Variants in FANK1 observed in about 807,000 individuals in gnomAD.
The protein encoded by FANK1 is fibronectin type 3 and ankyrin repeat domains protein 1.
In FANK1, 44 loss-of-function variants were observed where a neutral mutation model predicts 45.3. That is an observed-to-expected ratio of 0.97 (90% CI 0.76 to 1.25). The LOEUF is 1.25. Ranked by LOEUF, FANK1 falls within the 50% of genes most tolerant of loss-of-function variation. The pLI is 0.00. For missense variants in FANK1, 391 were observed against 424.4 expected (o/e 0.92, Z 0.69); for synonymous variants, 149 against 152.5 (o/e 0.98, Z 0.17).
chr10:125,954,640 T>G (rs1949461709), intron 1 of FANK1, among the ~76,000 whole-genome samples: 1 of 151,800 alleles, frequency 6.6e-6, no homozygotes, highest in Non-Finnish European at 1.5e-5. Flanking sequence ...GAGAAAGGGG[T>G]CAGGTGCAGT....
intron 2 of FANK1, among the ~76,000 whole-genome samples, chr10:125,984,553 G>T (rs73370533): frequency 2.6e-5 from 4 of 152,112 alleles, no homozygotes; most frequent in African/African-American, 9.7e-5. Flanking sequence ...GTTTGAAACT[G>T]TCTGACGTCC....
intron 1 of FANK1, among the ~76,000 whole-genome samples, chr10:125,943,091 C>T (rs181689248): frequency 1.3e-5 from 2 of 152,172 alleles, no homozygotes; most frequent in Admixed American, 6.5e-5. Flanking sequence ...GGATTACAGG[C>T]GTGAGCCACT....
rs140521965 is a variant in FANK1 at position 125,935,945 on chromosome 10, T to A, written c.13+39290T>A. Among the ~76,000 whole-genome samples, 1,085 of 152,318 alleles carry A rather than the reference T, an allele frequency of 7.1e-3. 12 individuals are homozygous for A. Among genetic ancestry groups the A allele is most frequent in the African/African-American group, 0.025 (1,022 of 41,562 alleles). ...TTTTTAAGCTAATAAGGGCCACCAG[T>A]GAGGGAAAGGTTTACATACTTTCTT... On this transcript the variant is annotated intron_variant, in intron 1 of 10. Coordinates refer to ENST00000368693, the MANE Select transcript of FANK1 (RefSeq NM_145235.5).
intron 1 of FANK1, among the ~76,000 whole-genome samples, chr10:125,928,341 G>T (rs2134138621): frequency 6.7e-6 from 1 of 149,622 alleles, no homozygotes; most frequent in Non-Finnish European, 1.5e-5. Context: ...CGTGGTGCTA[G>T]TGGGAGTGTA....
chr10:125,948,715 C>G (rs1948989191), intron 1 of FANK1, among the ~76,000 whole-genome samples: 1 of 152,170 alleles, frequency 6.6e-6, no homozygotes, highest in Non-Finnish European at 1.5e-5. Context: ...ACCATTCCTT[C>G]TGAAACTATT....
intron 1 of FANK1, among the ~76,000 whole-genome samples, chr10:125,951,367 C>G (rs1160531744): frequency 6.6e-6 from 1 of 151,902 alleles, no homozygotes; most frequent in Non-Finnish European, 1.5e-5. Context: ...CCTTTATGTT[C>G]TGCTTGATTC....
At chr10:125,964,128 C>T (rs879858564) in intron 1 of FANK1, among the ~76,000 whole-genome samples, 1 of 151,142 alleles carries the variant, frequency 6.6e-6, no homozygotes, top group Non-Finnish European at 1.5e-5. Context: ...TTTTCCTCTT[C>T]CTCTGTCTGT....
At chr10:125,919,366 C>T (rs577458668) in intron 1 of FANK1, among the ~76,000 whole-genome samples, 36 of 151,776 alleles carry the variant, frequency 2.4e-4, no homozygotes, top group Non-Finnish European at 4.4e-4. Context: ...CCACCACACC[C>T]GGCTGATTTT....
At chr10:125,994,624 A>G (rs1952182641) in intron 3 of FANK1, 1 of 985,352 alleles carries the variant, frequency 1.0e-6, no homozygotes, top group Non-Finnish European at 1.2e-6. Flanking sequence ...TTTAAGCTTA[A>G]TTGTGATACT....
intron 2 of FANK1, among the ~76,000 whole-genome samples, chr10:125,986,766 T>A: frequency 6.6e-6 from 1 of 152,206 alleles, no homozygotes; most frequent in East Asian, 1.9e-4. Context: ...TGTACCTGTT[T>A]CTCAGGTACC....
At chr10:125,931,838 A>T (rs767335040) in intron 1 of FANK1, among the ~76,000 whole-genome samples, 2 of 152,182 alleles carry the variant, frequency 1.3e-5, no homozygotes. Flanking sequence ...TTACAGTTTC[A>T]GATCTTAGGT....
intron 1 of FANK1, among the ~76,000 whole-genome samples, chr10:125,946,977 G>T (rs1418031043): frequency 6.9e-6 from 1 of 144,204 alleles, no homozygotes; most frequent in African/African-American, 2.6e-5. Flanking sequence ...TTAAAGAAAA[G>T]AATTTTCAAC....
chr10:126,007,363 G>T (rs927693185), intron 7 of FANK1, among the ~76,000 whole-genome samples: 1 of 152,232 alleles, frequency 6.6e-6, no homozygotes, highest in Non-Finnish European at 1.5e-5. Flanking sequence ...GAAAGTGTGT[G>T]TAAAGAGGGT....
chr10:125,933,564 T>C (rs926902363), intron 1 of FANK1, among the ~76,000 whole-genome samples: 1 of 152,162 alleles, frequency 6.6e-6, no homozygotes, highest in African/African-American at 2.4e-5. Context: ...CAATTTTATT[T>C]ATCTTTTCAA....
intron 1 of FANK1, among the ~76,000 whole-genome samples, chr10:125,971,905 G>A (rs1205082108): frequency 1.3e-5 from 2 of 152,244 alleles, no homozygotes; most frequent in East Asian, 1.9e-4. Context: ...GGGATTACAG[G>A]TGTGAGCCAC....
chr10:125,988,058 T>A (rs183589783), intron 2 of FANK1, among the ~76,000 whole-genome samples: 1 of 152,360 alleles, frequency 6.6e-6, no homozygotes, highest in Admixed American at 6.5e-5. Context: ...CTCCCAGCTC[T>A]ACTGGAAGTT....
chr10:125,930,584 G>T (rs1042743351), intron 1 of FANK1, among the ~76,000 whole-genome samples: 1 of 150,932 alleles, frequency 6.6e-6, no homozygotes, highest in African/African-American at 2.4e-5. Context: ...GCAATCCTCC[G>T]CTTTGACCTC....
intron 6 of FANK1, chr10:126,004,082 TTTTATA>T (rs1952985017): frequency 6.6e-6 from 1 of 151,764 alleles, no homozygotes; most frequent in African/African-American, 2.4e-5. Context: ...CTATGGTTCC[TTTTATA>T]TTTATTAGTT....
rs762714237 is a variant in FANK1 at position 125,980,290 on chromosome 10, C to T, written c.143C>T (p.Ser48Leu). The T allele has an allele frequency of 1.1e-5, 17 of 1,613,926 alleles. No homozygotes were observed. Among genetic ancestry groups the T allele is most frequent in the South Asian group, 8.8e-5 (8 of 91,062 alleles). The change falls in exon 2 of 11, where the codon TCG (serine) becomes TTG (leucine). Residue 48 changes from serine to leucine, a missense_variant. Physicochemically the swap from Ser to Leu is moderately radical, Grantham distance 145. Coordinates refer to ENST00000368693, the MANE Select transcript of FANK1 (RefSeq NM_145235.5). The stretch of plus-strand genomic sequence containing the variant: ...CCTCAAGAGCAGTGGTTCAGGTTCT[C>T]GATTGAAGAAGAAGACCCCAAAATG... ...QGPQEQWFRF[S>L]IEEEDPKMHT... is the part of the protein sequence containing the mutation.
Sources: gnomAD v4.1 joint callset for allele counts (sites outside exome capture counted in the v4.1 genomes callset) on GRCh38, gnomAD v4.1.1 for gene constraint, MANE v1.5 for transcripts, NCBI Gene and HGNC (gene_info 2026-07-23, HGNC 2026-07-21) for gene names.